The following TTN variants were observed in gnomAD, a reference collection of about 807,000 sequenced individuals.
TTN encodes titin.
In TTN, 1,525 loss-of-function variants were observed where a neutral mutation model predicts 3,223.0. The ratio of observed to expected loss-of-function variants is 0.47; its 90% CI spans 0.45 to 0.49. TTN has a LOEUF of 0.49. TTN is among the 20% of genes least tolerant of loss of function. The pLI is 0.00. For missense variants in TTN, 40,786 were observed against 43,424.0 expected (o/e 0.94, Z 5.40); for synonymous variants, 14,094 against 15,161.0 (o/e 0.93, Z 5.17).
intron 47 of TTN, chr2:178,745,742 A>G: frequency 6.2e-7 from 1 of 1,612,752 alleles, no homozygotes; most frequent in South Asian, 1.1e-5. Flanking sequence ...TCCTTGGACT[A>G]ATTTTCCATC....
At chr2:178,697,227 T>C in intron 112 of TTN, 59 bp from the exon 113 acceptor site, 1 of 1,352,490 alleles carries the variant, frequency 7.4e-7, no homozygotes, top group South Asian at 1.5e-5. Context: ...ATTATTAATG[T>C]TTACTAATCC....
Position 178,590,051 on chromosome 2 carries a change from G to T in TTN, c.61674C>A (p.Ala20558=). 2 of 1,613,098 alleles carry T rather than the reference G, an allele frequency of 1.2e-6. No individual in the cohort carries two copies. Among genetic ancestry groups the T allele is most frequent in the South Asian group, 1.1e-5 (1 of 91,028 alleles). ...GGACGTTAACGATGGCTGAACCTTGGGCATGTCCACTGCTGTTCTTAGCTG... is the reference window on the plus strand; with the variant it reads ...GGACGTTAACGATGGCTGAACCTTGTGCATGTCCACTGCTGTTCTTAGCTG... ...IISAKNSSGH[A]QGSAIVNVLD... is the part of the protein sequence containing the mutation. Residue 20558 remains alanine, a synonymous_variant, in exon 304 of 363, where the codon GCC becomes GCA. Coordinates refer to ENST00000589042, the MANE Select transcript of TTN (RefSeq NM_001267550.2).
At chr2:178,760,893 C>T (rs2088992322) in intron 43 of TTN, 1 of 147,292 alleles carries the variant, frequency 6.8e-6, no homozygotes, top group South Asian at 2.1e-4. Context: ...GTGAGATCAT[C>T]AATGGTACAT....
Position 178,570,925 on chromosome 2 carries a change from A to G in TTN, c.75207T>C (p.Thr25069=), listed in dbSNP as rs1707962617. 6.2e-7 allele frequency: 1 copy of G among 1,613,596 alleles called. No individual in the cohort carries two copies. Among genetic ancestry groups the G allele is most frequent in the South Asian group, 1.1e-5 (1 of 91,074 alleles). ...TNIIDTHFEV[T]GLVEDHRYEF... ...CATATCTGTGATCTTCAACTAGGCC[A>G]GTTACTTCAAAATGAGTGTCAATAA... The change falls in exon 326 of 363, where the codon ACT becomes ACC. Residue 25069 remains threonine (T), a synonymous_variant. Coordinates refer to ENST00000589042, the MANE Select transcript of TTN (RefSeq NM_001267550.2).
Position 178,641,301 on chromosome 2 carries a change from G to T in TTN, c.40573C>A (p.Pro13525Thr), listed in dbSNP as rs888200001. Residue 13525 changes from proline to threonine, a missense_variant, in exon 220 of 363, where the codon CCT becomes ACT. By Grantham distance (38) the Pro-to-Thr change is conservative. Coordinates refer to ENST00000589042, the MANE Select transcript of TTN (RefSeq NM_001267550.2). ...VVLKSVLRKR[P>T]EEEEPKVEPK... ...TCTACTTTAGGTTCTTCTTCTTCAG[G>T]TCTTTTTCTTAGAACTTTAAAGACA... The T allele has an allele frequency of 2.7e-6, 4 of 1,495,882 alleles. No homozygotes were observed. The highest frequency in any genetic ancestry group is 1.4e-5 in the African/African-American group (1 of 68,980). 92.7% of individuals were successfully genotyped at this position (1,495,882 alleles called of 1,614,324 possible).
In TTN at chr2:178,604,811, C is replaced by T. The variant is rs766855804; in HGVS notation, c.54278G>A (p.Gly18093Asp). 1.9e-6 allele frequency: 3 copies of T among 1,612,264 alleles called. No homozygotes were observed. The highest frequency in any genetic ancestry group is 2.2e-5 in the East Asian group (1 of 44,672). ...AACATAATGGGTGATTTCACTGCCA[C>T]CATTATCAAGAGGGGCATCCCATGT... ...YLTWDAPLDN[G>D]GSEITHYVID... The change falls in exon 281 of 363, where the codon GGT becomes GAT. Residue 18093 changes from glycine to aspartate, a missense_variant. By Grantham distance (94) the Gly-to-Asp change is moderately conservative. Transcript: ENST00000589042.
chr2:178,734,442 AC>A lies in TTN; in HGVS notation c.15381del (p.Lys5127AsnfsTer45). Reference sequence around the variant, plus strand: ...GAAAAGATCTCCAGACACACAAGAGACTTCTGAGAAAACAATCTGTATTTTT... The same window carrying A: ...GAAAAGATCTCCAGACACACAAGAGATTCTGAGAAAACAATCTGTATTTTT... ...SSKKYRLFSQ[K>X]SLVCLEIFSF... On this transcript the variant is annotated frameshift_variant, in exon 52 of 363. Transcript: ENST00000589042. LOFTEE classifies it high-confidence loss of function. The A allele has an allele frequency of 6.2e-7, 1 of 1,613,752 alleles. No homozygotes were observed.
rs562208395 is a variant in TTN at position 178,654,162 on chromosome 2, G to A, written c.38380+46C>T. 304 of 1,587,800 alleles carry A rather than the reference G, an allele frequency of 1.9e-4. 22 individuals carry two copies. In the South Asian group the frequency reaches 2.2e-3, roughly 12 times the overall value. Reference sequence around the variant, plus strand: ...GGTATATATTACAGTGATTGTGAGGGGTACAGACAGTAAGTTATTCTTAGC... The same window carrying A: ...GGTATATATTACAGTGATTGTGAGGAGTACAGACAGTAAGTTATTCTTAGC... On this transcript the variant is annotated intron_variant, in intron 193 of 362. Coordinates refer to ENST00000589042, the MANE Select transcript of TTN (RefSeq NM_001267550.2).
At position 178,729,546 on chromosome 2, in the gene TTN, C is replaced by T. The variant is rs949942051; in HGVS notation, c.18610G>A (p.Glu6204Lys). 2 of 1,613,026 alleles carry T rather than the reference C, an allele frequency of 1.2e-6. No homozygotes were observed. Among genetic ancestry groups the T allele is most frequent in the Non-Finnish European group, 1.7e-6 (2 of 1,179,246 alleles). ...TTTACTACCTCCACAGGCTTCAGCT[C>T]TCTGATAAAGGTGGGGGGTTCTAAA... ...KVKEPPTFIRELKPVEVVKYS... is the reference protein window; with the variant it reads ...KVKEPPTFIRKLKPVEVVKYS... Residue 6204 changes from glutamate (E) to lysine (K), a missense_variant, in exon 64 of 363, where the codon GAG (glutamate) becomes AAG (lysine). By Grantham distance (56) the Glu-to-Lys change is moderately conservative (BLOSUM62 1). Coordinates refer to ENST00000589042, the MANE Select transcript of TTN (RefSeq NM_001267550.2).
Position 178,738,239 on chromosome 2 carries a change from T to C in TTN, c.14214A>G (p.Arg4738=). ...NVRFQWFKAG[R]EIYESDKCSI... ...AACACTTGTCACTCTCATAAATTTC[T>C]CGGCCAGCTTTAAACCACTGGAACC... The change falls in exon 49 of 363, where the codon CGA becomes CGG. Residue 4738 remains arginine, a synonymous_variant. Transcript: ENST00000589042. The C allele has an allele frequency of 6.2e-7, 1 of 1,613,628 alleles. No homozygotes were observed. Among genetic ancestry groups the C allele is most frequent in the Middle Eastern group, 1.7e-4 (1 of 6,060 alleles).
chr2:178,532,957 A>G lies in TTN; in HGVS notation c.103658T>C (p.Ile34553Thr), dbSNP rs727505196. The change falls in exon 358 of 363, where the codon ATA (isoleucine) becomes ACA (threonine). Residue 34553 changes from isoleucine (I) to threonine (T), a missense_variant. Ile to Thr is a moderately conservative substitution (Grantham distance 89). Coordinates refer to ENST00000589042, the MANE Select transcript of TTN (RefSeq NM_001267550.2). ...PEPRKYKQTT[I>T]EEDQRIKQFV... ...CTGCTTGATGCGTTGGTCTTCTTCT[A>G]TGGTAGTCTGCTTATACTTGCGTGG... is the stretch of plus-strand genomic sequence containing the variant. 134 of 1,613,714 alleles carry G rather than the reference A, an allele frequency of 8.3e-5. No individual in the cohort carries two copies. The highest frequency in any genetic ancestry group is 1.0e-4 in the Non-Finnish European group (123 of 1,179,862).
In TTN at chr2:178,632,506, T is replaced by A. The variant is rs375939057; in HGVS notation, c.43480+20A>T. ...CAAAAAAAATGATTTTGGGGTGGAC[T>A]ATTTGATAAAACTATTTACCTTCAA... On this transcript the variant is annotated intron_variant, in intron 235 of 362. Coordinates refer to ENST00000589042, the MANE Select transcript of TTN (RefSeq NM_001267550.2). The A allele has an allele frequency of 1.5e-5, 24 of 1,608,574 alleles. No homozygotes were observed. The African/African-American group carries it at 3.0e-4, about 20-fold the overall frequency.
intron 112 of TTN, 74 bp from the exon 113 acceptor site, chr2:178,697,242 C>T: frequency 8.0e-7 from 1 of 1,254,688 alleles, no homozygotes; most frequent in Non-Finnish European, 1.1e-6. Flanking sequence ...TAATCCTCCA[C>T]ATCATTGTTA....
Position 178,727,226 on chromosome 2 carries a change from C to T in TTN, c.20139G>A (p.Lys6713=), listed in dbSNP as rs375668907. ...RNEHELPASD[K]YRMTFIDSVA... ...CTGAGTCAATGAAAGTCATTCTGTA[C>T]TTATCACTGGCTGGAAGTTCATGTT... Residue 6713 remains lysine, a synonymous_variant, in exon 69 of 363, where the codon AAG becomes AAA. Coordinates refer to ENST00000589042, the MANE Select transcript of TTN (RefSeq NM_001267550.2). The T allele has an allele frequency of 6.2e-7, 1 of 1,613,230 alleles. No homozygotes were observed. Among genetic ancestry groups the T allele is most frequent in the Non-Finnish European group, 8.5e-7 (1 of 1,179,440 alleles).
At chr2:178,639,675 A>AAAAG in intron 223 of TTN, 24 bp downstream of exon 223, 1 of 1,608,854 alleles carries the variant, frequency 6.2e-7, no homozygotes, top group Non-Finnish European at 8.5e-7. Flanking sequence ...CAAACTAGCA[A>AAAAG]AAAGAAAGCT....
Position 178,712,154 on chromosome 2 carries a change from A to G in TTN, c.27676T>C (p.Cys9226Arg), listed in dbSNP as rs372820178. The change falls in exon 96 of 363, where the codon TGC becomes CGC. Residue 9226 changes from cysteine (C) to arginine (R), a missense_variant. Transcript: ENST00000589042. Reference protein sequence around the residue: ...VSVGDSASLQCQLAGTPEIGV... With the variant: ...VSVGDSASLQRQLAGTPEIGV... ...ATTTCAGGGGTTCCAGCAAGCTGGCATTGTAGAGAGGCAGAATCTCCAACA... is the reference window on the plus strand; with the variant it reads ...ATTTCAGGGGTTCCAGCAAGCTGGCGTTGTAGAGAGGCAGAATCTCCAACA... 1.2e-4 allele frequency: 199 copies of G among 1,613,804 alleles called. No homozygotes were observed. The highest frequency in any genetic ancestry group is 1.6e-4 in the Non-Finnish European group (191 of 1,179,776).
At chr2:178,528,097 G>T (rs2857273) in intron 361 of TTN, 177 bp downstream of exon 361, 47 of 709,194 alleles carry the variant, frequency 6.6e-5, no homozygotes, top group Non-Finnish European at 1.3e-5. Flanking sequence ...ATCTATCCAA[G>T]TTTCTGTGTA....
At position 178,775,395 on chromosome 2, in the gene TTN, C is replaced by T; in HGVS notation, c.6469G>A (p.Ala2157Thr). Residue 2157 changes from alanine to threonine, a missense_variant, in exon 28 of 363, where the codon GCT becomes ACT. Coordinates refer to ENST00000589042, the MANE Select transcript of TTN (RefSeq NM_001267550.2). ...ASIMVKAINI[A>T]GETSSHAFLL... is the part of the protein sequence containing the mutation. ...AATGCGTGACTGGAGGTTTCTCCAG[C>T]TATGTTGATGGCTTTTACCATGATG... The T allele has an allele frequency of 6.2e-7, 1 of 1,614,056 alleles. No homozygotes were observed.
At position 178,534,538 on chromosome 2, in the gene TTN, T is replaced by C. The variant is rs759826620; in HGVS notation, c.102077A>G (p.Asn34026Ser). The change falls in exon 358 of 363, where the codon AAT becomes AGT. Residue 34026 changes from asparagine to serine, a missense_variant. Asn to Ser is a conservative substitution (Grantham distance 46). Coordinates refer to ENST00000589042, the MANE Select transcript of TTN (RefSeq NM_001267550.2). Reference protein sequence around the residue: ...LAETNQQIIENIMNAEYTFDE... With the variant: ...LAETNQQIIESIMNAEYTFDE... ...GAAAGTATATTCAGCATTCATGATA[T>C]TCTCAATGATCTGTTGGTTAGTTTC... is the stretch of plus-strand genomic sequence containing the variant. 1.2e-6 allele frequency: 2 copies of C among 1,613,890 alleles called. No homozygotes were observed. Among genetic ancestry groups the C allele is most frequent in the Non-Finnish European group, 1.7e-6 (2 of 1,179,796 alleles).
Sources: gnomAD v4.1 joint callset for allele counts on GRCh38, gnomAD v4.1.1 for gene constraint, MANE v1.5 for transcripts, NCBI Gene and HGNC (gene_info 2026-07-23, HGNC 2026-07-21) for gene names.